The following SOX13 variants were observed in gnomAD, a reference collection of about 807,000 sequenced individuals.
The protein encoded by SOX13 is transcription factor SOX-13.
A neutral mutation model predicts 71.8 loss-of-function variants in SOX13; 28 were observed. The ratio of observed to expected loss-of-function variants is 0.39; its 90% confidence interval spans 0.29 to 0.53. The LOEUF is 0.53. Among genes scored for constraint, SOX13 ranks in the 20% least tolerant of loss-of-function variants. The pLI is 0.70. For synonymous variants in SOX13, 309 were observed against 317.8 expected (o/e 0.97, Z 0.29); for missense variants, 627 against 810.3 (o/e 0.77, Z 2.75).
At position 204,117,105 on chromosome 1, in the gene SOX13, CT is replaced by C; in HGVS notation, c.592-16del. The C allele has an allele frequency of 6.2e-7, 1 of 1,613,636 alleles. No homozygotes were observed. Among genetic ancestry groups the C allele is most frequent in the Non-Finnish European group, 8.5e-7 (1 of 1,179,648 alleles). Reference sequence around the variant, plus strand: ...TAATGTCCGTGACCCCCTCTGCCTACTCTTTCCCTCTCCCAGATTGCAAAGC... The same window carrying C: ...TAATGTCCGTGACCCCCTCTGCCTACCTTTCCCTCTCCCAGATTGCAAAGC... On this transcript the variant is annotated splice_polypyrimidine_tract_variant and intron_variant, in intron 5 of 13. Transcript: ENST00000367204.
At chr1:204,105,365 G>A (rs1412270665) in intron 1 of SOX13, among the ~76,000 whole-genome samples, 2 of 151,696 alleles carry the variant, frequency 1.3e-5, no homozygotes, top group African/African-American at 4.9e-5. Flanking sequence ...GAGCAGAGAT[G>A]CCGCTTAGCG....
intron 1 of SOX13, among the ~76,000 whole-genome samples, chr1:204,099,664 C>T (rs1451675649): frequency 1.3e-5 from 2 of 152,020 alleles, no homozygotes; most frequent in African/African-American, 4.8e-5. Flanking sequence ...CCTCCCACTT[C>T]GGCCTCCCAA....
intron 6 of SOX13, 46 bp downstream of exon 6, chr1:204,117,236 A>G (rs1558220689): frequency 6.4e-7 from 1 of 1,550,890 alleles, no homozygotes; most frequent in Non-Finnish European, 8.9e-7. Context: ...CAGTTGAGGG[A>G]GTTGACACCG....
At chr1:204,105,316 G>A (rs747142109) in intron 1 of SOX13, among the ~76,000 whole-genome samples, 4 of 152,250 alleles carry the variant, frequency 2.6e-5, no homozygotes, top group Non-Finnish European at 5.9e-5. Flanking sequence ...GAATGGAAGA[G>A]GGATTGTGAG....
At chr1:204,114,291 G>T (rs1656644074) in intron 2 of SOX13, 30 bp from the exon 3 acceptor site, 3 of 1,455,218 alleles carry the variant, frequency 2.1e-6, no homozygotes, top group Non-Finnish European at 1.9e-6. Flanking sequence ...TCTCTTGGGG[G>T]TTATGGTGAC....
At chr1:204,117,020 G>A in intron 5 of SOX13, 102 bp from the exon 6 acceptor site, 1 of 1,189,292 alleles carries the variant, frequency 8.4e-7, no homozygotes, top group South Asian at 1.3e-5. Flanking sequence ...CCCACTCCAT[G>A]GCTTGCCCCA....
chr1:204,111,791 T>C (rs1656584720), intron 1 of SOX13, among the ~76,000 whole-genome samples: 2 of 146,988 alleles, frequency 1.4e-5, no homozygotes, highest in African/African-American at 5.0e-5. Flanking sequence ...GTGATGTGCC[T>C]TCCTCAGCCT....
At chr1:204,115,726 G>T (rs1339365782) in intron 4 of SOX13, among the ~76,000 whole-genome samples, 1 of 144,514 alleles carries the variant, frequency 6.9e-6, no homozygotes. Context: ...GAGCGTAGTG[G>T]TGTGATTTCG....
intron 7 of SOX13, among the ~76,000 whole-genome samples, chr1:204,121,126 CG>C (rs1455212029): frequency 2.6e-5 from 4 of 151,924 alleles, no homozygotes; most frequent in African/African-American, 9.7e-5. Context: ...ATTACAGGCG[CG>C]TGCCACCGCA....
At chr1:204,088,864 C>T (rs982017750) in intron 1 of SOX13, among the ~76,000 whole-genome samples, 1 of 152,124 alleles carries the variant, frequency 6.6e-6, no homozygotes, top group African/African-American at 2.4e-5. Flanking sequence ...AATTAGAGTT[C>T]GGACAAATAC....
At chr1:204,078,892 A>G (rs901340909) in intron 1 of SOX13, among the ~76,000 whole-genome samples, 2 of 152,228 alleles carry the variant, frequency 1.3e-5, no homozygotes, top group Non-Finnish European at 2.9e-5. Context: ...AAAAAATGCA[A>G]ATACTTTCTC....
rs976677300 is a variant in SOX13 at position 204,081,111 on chromosome 1, C to G, written c.-2+7400C>G. On this transcript the variant is annotated intron_variant, in intron 1 of 13. Coordinates refer to ENST00000367204, the MANE Select transcript of SOX13 (RefSeq NM_005686.3). The surrounding 1 kb of genome is among the most constrained non-coding windows in gnomAD (Gnocchi z 4.3). ...TATTTTTAGTAGAGACGGGATTTCT[C>G]CATGTTGGTTAGGCTGGTCTCGAAC... 2.0e-5 allele frequency among the ~76,000 whole-genome samples: 3 copies of G among 152,066 alleles called. No homozygotes were observed. The highest frequency in any genetic ancestry group is 2.9e-5 in the Non-Finnish European group (2 of 68,004).
intron 12 of SOX13, among the ~76,000 whole-genome samples, chr1:204,124,341 C>T (rs1010283694): frequency 2.0e-5 from 3 of 152,206 alleles, no homozygotes; most frequent in African/African-American, 7.2e-5. Flanking sequence ...TCTGAGGTGG[C>T]TGCTCTTTTG....
chr1:204,114,253 G>A (rs1656643371), intron 2 of SOX13, 68 bp from the exon 3 acceptor site: 2 of 1,062,678 alleles, frequency 1.9e-6, no homozygotes, highest in Non-Finnish European at 2.8e-6. Context: ...TCTTTGGGGT[G>A]CCCAGCCCTC....
intron 1 of SOX13, among the ~76,000 whole-genome samples, chr1:204,089,896 A>G (rs1656106499): frequency 6.6e-6 from 1 of 152,118 alleles, no homozygotes; most frequent in African/African-American, 2.4e-5. Context: ...TGTGGCTTTG[A>G]CTAGAAGTAG....
At position 204,123,580 on chromosome 1, in the gene SOX13, A is replaced by C; in HGVS notation, c.1232-81A>C. On this transcript the variant is annotated intron_variant, in intron 11 of 13. Coordinates refer to ENST00000367204, the MANE Select transcript of SOX13 (RefSeq NM_005686.3). This position sits in a 1 kb window ranked among gnomAD's most constrained non-coding sequence, Gnocchi z 5.0. The stretch of plus-strand genomic sequence containing the variant: ...CCTCAGTGCCTCCTGCTGGTCAAGT[A>C]GGGGACGTCTCTCTGCTGGCCCTGG... 1 of 1,478,280 alleles carries C rather than the reference A, an allele frequency of 6.8e-7. No individual in the cohort carries two copies. The allele number at this position is 1,478,280 out of a possible 1,614,324, so 91.6% of individuals were successfully genotyped here.
intron 1 of SOX13, among the ~76,000 whole-genome samples, chr1:204,093,115 G>A (rs1656180295): frequency 6.6e-6 from 1 of 152,168 alleles, no homozygotes; most frequent in South Asian, 2.1e-4. Context: ...GCATAGGGAC[G>A]TGGGGACGTG....
chr1:204,096,722 G>A (rs1395197660), intron 1 of SOX13, among the ~76,000 whole-genome samples: 2 of 151,984 alleles, frequency 1.3e-5, no homozygotes, highest in African/African-American at 4.8e-5. Context: ...GCTAATTTTT[G>A]TATTTTCTGT....
At chr1:204,114,498 C>T (rs1330932314) in intron 3 of SOX13, 21 bp from the exon 4 acceptor site, 1 of 1,609,990 alleles carries the variant, frequency 6.2e-7, no homozygotes, top group Admixed American at 1.7e-5. Context: ...GGTTATTCCT[C>T]ACCCCTTTGC....
Sources: gnomAD v4.1 joint callset for allele counts (sites outside exome capture counted in the v4.1 genomes callset) on GRCh38, gnomAD v4.1.1 for gene constraint, Gnocchi (gnomAD v3.1) non-coding constraint, MANE v1.5 for transcripts, NCBI Gene and HGNC (gene_info 2026-07-23, HGNC 2026-07-21) for gene names.